EPAS1: variants seen among roughly 807,000 people sequenced by gnomAD.
The protein encoded by EPAS1 is endothelial PAS domain-containing protein 1.
EPAS1 carries 23 observed loss-of-function variants against 87.9 expected under a neutral mutation model. The observed-to-expected ratio is 0.26, with a 90% confidence interval of 0.19 to 0.37. EPAS1 has a LOEUF of 0.37. Among genes scored for constraint, EPAS1 ranks in the 10% least tolerant of loss-of-function variants. EPAS1 has a pLI of 1.00. For missense variants in EPAS1, 1,138 were observed against 1,120.7 expected, an observed-to-expected ratio of 1.02 and a Z score of -0.22; for synonymous variants, 508 against 444.3, an observed-to-expected ratio of 1.14 and a Z score of -1.80.
intron 6 of EPAS1, among the ~76,000 whole-genome samples, chr2:46,363,719 T>G (rs1684449197): frequency 6.6e-6 from 1 of 152,200 alleles, no homozygotes; most frequent in Non-Finnish European, 1.5e-5. Flanking sequence ...TAGGGCTTTG[T>G]GACTCATAAT....
chr2:46,356,497 C>A (rs1375862305), intron 3 of EPAS1, among the ~76,000 whole-genome samples, 195 bp downstream of exon 3: 1 of 152,178 alleles, frequency 6.6e-6, no homozygotes, highest in Non-Finnish European at 1.5e-5. Context: ...TCATGTCCAT[C>A]CTGGTAGACA....
chr2:46,306,222 T>A (rs926814453), intron 1 of EPAS1, among the ~76,000 whole-genome samples: 1 of 152,228 alleles, frequency 6.6e-6, no homozygotes, highest in Non-Finnish European at 1.5e-5. Flanking sequence ...ATTAAAAAAA[T>A]ACACACATTT....
intron 1 of EPAS1, among the ~76,000 whole-genome samples, chr2:46,330,351 A>G (rs1683650144): frequency 6.6e-6 from 1 of 152,218 alleles, no homozygotes; most frequent in African/African-American, 2.4e-5. Flanking sequence ...ACGTAGAGCT[A>G]GGCACACATA....
At position 46,380,852 on chromosome 2, in the gene EPAS1, C is replaced by G. The variant is rs1234009254; in HGVS notation, c.2045+135C>G. On this transcript the variant is annotated intron_variant, in intron 12 of 15. Coordinates refer to ENST00000263734, the MANE Select transcript of EPAS1 (RefSeq NM_001430.5). The surrounding 1 kb of genome is among the most constrained non-coding windows in gnomAD (Gnocchi z 4.4). ...ACCCCATTTAGCCCTTCTCTGAGCT[C>G]AGACTTTGGGGAATCACCTCAAGCC... The G allele has an allele frequency of 1.3e-6, 2 of 1,484,780 alleles. No individual in the cohort carries two copies. The highest frequency in any genetic ancestry group is 2.3e-4 in the Middle Eastern group (1 of 4,306). The allele number at this position is 1,484,780 out of a possible 1,614,324, so 92.0% of individuals were successfully genotyped here.
At chr2:46,379,132 AT>A (rs2103669974) in intron 11 of EPAS1, among the ~76,000 whole-genome samples, 1 of 152,362 alleles carries the variant, frequency 6.6e-6, no homozygotes, top group African/African-American at 2.4e-5. Context: ...TTATAAACAC[AT>A]TCATCTTGTG....
chr2:46,300,534 G>A lies in EPAS1; in HGVS notation c.26+2597G>A, dbSNP rs1682976275. Among the ~76,000 whole-genome samples the A allele has an allele frequency of 6.6e-6, 1 of 152,222 alleles. No homozygotes were observed. The highest frequency in any genetic ancestry group is 2.4e-5 in the African/African-American group (1 of 41,460). On this transcript the variant is annotated intron_variant, in intron 1 of 15. Transcript: ENST00000263734. The surrounding 1 kb of genome is among the most constrained non-coding windows in gnomAD (Gnocchi z 4.1). Reference sequence around the variant, plus strand: ...CTTGATAGTACCAGTTTTGGTGGTAGTGGGCATTTGCGGTGACATCACAGA... The same window carrying A: ...CTTGATAGTACCAGTTTTGGTGGTAATGGGCATTTGCGGTGACATCACAGA...
chr2:46,318,220 G>C (rs1683383048), intron 1 of EPAS1, among the ~76,000 whole-genome samples: 1 of 150,866 alleles, frequency 6.6e-6, no homozygotes, highest in African/African-American at 2.4e-5. Flanking sequence ...GCACACAGAG[G>C]AACAATCACT....
rs2103635486 is a variant in EPAS1 at position 46,360,375 on chromosome 2, A to G, written c.455-263A>G. 6.6e-6 allele frequency among the ~76,000 whole-genome samples: 1 copy of G among 152,316 alleles called. No individual in the cohort carries two copies. Among genetic ancestry groups the G allele is most frequent in the East Asian group, 1.9e-4 (1 of 5,192 alleles). On this transcript the variant is annotated intron_variant, in intron 4 of 15. Transcript: ENST00000263734. The surrounding 1 kb of genome is among the most constrained non-coding windows in gnomAD (Gnocchi z 4.5). ...GAAGGCACCACTGACCATGTTCCAG[A>G]TGCAATGGGAAATCAAATGATGGAG...
At chr2:46,317,111 GT>G (rs1452612620) in intron 1 of EPAS1, among the ~76,000 whole-genome samples, 2 of 152,196 alleles carry the variant, frequency 1.3e-5, no homozygotes, top group South Asian at 2.1e-4. Context: ...CACATCTGCA[GT>G]TACTTCCTCC....
At chr2:46,382,641 T>A (rs1332113524) in intron 15 of EPAS1, 43 bp downstream of exon 15, 2 of 1,612,184 alleles carry the variant, frequency 1.2e-6, no homozygotes, top group Admixed American at 1.7e-5. Context: ...CAGGATTCGA[T>A]GCCAGGGGAA....
rs1442244525 is a variant in EPAS1 at position 46,380,217 on chromosome 2, C to T, written c.1555-10C>T. 1 of 1,608,436 alleles carries T rather than the reference C, an allele frequency of 6.2e-7. No homozygotes were observed. Among genetic ancestry groups the T allele is most frequent in the Non-Finnish European group, 8.5e-7 (1 of 1,179,984 alleles). ...CCCCTTGCCTCTTTGCCGGTGCTGT[C>T]TCCCCTCAGACGGATTTCAATGAGC... On this transcript the variant is annotated splice_polypyrimidine_tract_variant and intron_variant, in intron 11 of 15. Transcript: ENST00000263734. The surrounding 1 kb of genome is among the most constrained non-coding windows in gnomAD (Gnocchi z 4.4).
At chr2:46,298,023 A>G (rs1682920429) in intron 1 of EPAS1, 86 bp downstream of exon 1, 2 of 1,531,234 alleles carry the variant, frequency 1.3e-6, no homozygotes, top group Admixed American at 3.7e-5. Context: ...AGTGGTTGGG[A>G]GAAGAGTGCT....
chr2:46,299,423 C>T (rs189834859), intron 1 of EPAS1, among the ~76,000 whole-genome samples: 14 of 152,304 alleles, frequency 9.2e-5, no homozygotes, highest in Non-Finnish European at 1.8e-4. Flanking sequence ...ATTCCCAGGG[C>T]CCTCGGAGCA....
Position 46,385,094 on chromosome 2 carries a change from T to C in EPAS1, c.*434T>C, listed in dbSNP as rs544323954. 8 of 180,772 alleles carry C rather than the reference T, an allele frequency of 4.4e-5. No homozygotes were observed. The highest frequency in any genetic ancestry group is 2.8e-4 in the East Asian group (2 of 7,060). 11.2% of individuals were successfully genotyped at this position (180,772 alleles called of 1,614,324 possible). Reference sequence around the variant, plus strand: ...TGTTGTTGCCAAAGAGAAACAAAAATGATTTTGCTTTCCAAGCTTGGTTTG... The same window carrying C: ...TGTTGTTGCCAAAGAGAAACAAAAACGATTTTGCTTTCCAAGCTTGGTTTG... On this transcript the variant is annotated 3_prime_UTR_variant, in exon 16 of 16. Transcript: ENST00000263734.
chr2:46,308,460 T>TG (rs3053639), intron 1 of EPAS1, among the ~76,000 whole-genome samples: 6,300 of 109,150 alleles, frequency 0.058, 340 homozygotes, highest in African/African-American at 0.078. Flanking sequence ...TGCTTTTTTT[T>TG]GGGGGGGGGG....
intron 1 of EPAS1, among the ~76,000 whole-genome samples, chr2:46,318,483 A>T (rs938199614): frequency 6.6e-6 from 1 of 152,250 alleles, no homozygotes; most frequent in African/African-American, 2.4e-5. Context: ...TAAAAAGTGC[A>T]ATATCTGCAA....
chr2:46,347,330 C>T lies in EPAS1; in HGVS notation c.217+267C>T, dbSNP rs1684052123. The stretch of plus-strand genomic sequence containing the variant: ...ACCCAGAGGCTGTGGAGAACACGGG[C>T]TGGGAGAACCAAGGACGGCTTTTGC... On this transcript the variant is annotated intron_variant, in intron 2 of 15. Coordinates refer to ENST00000263734, the MANE Select transcript of EPAS1 (RefSeq NM_001430.5). This position sits in a 1 kb window ranked among gnomAD's most constrained non-coding sequence, Gnocchi z 4.2. 3 of 543,064 alleles carry T rather than the reference C, an allele frequency of 5.5e-6. No homozygotes were observed. The highest frequency in any genetic ancestry group is 3.3e-6 in the Non-Finnish European group (1 of 301,030). The allele number at this position is 543,064 out of a possible 1,614,324, so 33.6% of individuals were successfully genotyped here. A position where few individuals can be genotyped will look rare whatever the true frequency, so the allele number is the denominator to read the frequency against.
At chr2:46,355,831 T>C (rs767607766) in intron 2 of EPAS1, among the ~76,000 whole-genome samples, 2 of 152,350 alleles carry the variant, frequency 1.3e-5, no homozygotes, top group Non-Finnish European at 2.9e-5. Flanking sequence ...CTATAGGCTG[T>C]ACAGGTGGTT....
chr2:46,382,744 G>C (rs1423227007), intron 15 of EPAS1, 146 bp downstream of exon 15: 1 of 1,091,360 alleles, frequency 9.2e-7, no homozygotes, highest in East Asian at 2.6e-5. Context: ...AGGTCTCCTT[G>C]GATTTAGGGA....
Sources: allele counts gnomAD v4.1 joint callset (sites outside exome capture counted in the v4.1 genomes callset), GRCh38; gene constraint gnomAD v4.1.1; non-coding constraint Gnocchi (gnomAD v3.1); transcripts MANE v1.5; gene names NCBI Gene and HGNC (gene_info 2026-07-23, HGNC 2026-07-21).